The following DCDC1 variants were observed in gnomAD, a reference collection of about 807,000 sequenced individuals.
DCDC1 encodes doublecortin domain containing 1, also known as doublecortin domain-containing protein 1.
In DCDC1, 200 loss-of-function variants were observed where a neutral mutation model predicts 178.3. The ratio of observed to expected loss-of-function variants is 1.12; its 90% CI spans 1.00 to 1.26. The LOEUF (loss-of-function observed/expected upper bound fraction) is 1.26. Among genes scored for constraint, DCDC1 ranks in the 50% most tolerant of loss-of-function variants. The probability of loss-of-function intolerance (pLI) is 0.00; values close to 1 mark genes in which losing one functional copy is unlikely to be tolerated. For synonymous variants in DCDC1, 690 were observed against 604.8 expected (o/e 1.14, Z -2.07); for missense variants, 1,983 against 1,749.2 (o/e 1.13, Z -2.38).
chr11:31,325,757 T>C (rs1949612238), intron 3 of DCDC1, among the ~76,000 whole-genome samples: 1 of 152,082 alleles, frequency 6.6e-6, no homozygotes. Flanking sequence ...TATTAATTAA[T>C]GAAGAAATGC....
intron 9 of DCDC1, among the ~76,000 whole-genome samples, chr11:31,198,382 A>G (rs932259505): frequency 1.3e-5 from 2 of 152,122 alleles, no homozygotes; most frequent in Non-Finnish European, 2.9e-5. Flanking sequence ...ATTTTTTGCT[A>G]GCAAGTATAG....
intron 20 of DCDC1, among the ~76,000 whole-genome samples, chr11:31,023,492 G>A (rs570015001): frequency 6.6e-6 from 1 of 152,078 alleles, no homozygotes; most frequent in Admixed American, 6.6e-5. Flanking sequence ...AAAACAGAGG[G>A]AAGGGCAGAG....
chr11:31,165,993 T>C lies in DCDC1; in HGVS notation c.1222-28209A>G, dbSNP rs1254830675. On this transcript the variant is annotated intron_variant, in intron 9 of 38. Transcript: ENST00000684477. ...AAACAACCTAACCTGTATAGTATGA[T>C]ATAGCAGCCATAAATGCAGTTCCTG... 1.3e-5 allele frequency among the ~76,000 whole-genome samples: 2 copies of C among 152,204 alleles called. 1 individual carries two copies. Among genetic ancestry groups the C allele is most frequent in the South Asian group, 4.1e-4 (2 of 4,834 alleles).
intron 8 of DCDC1, among the ~76,000 whole-genome samples, chr11:31,258,953 G>A (rs1234104266): frequency 6.6e-6 from 1 of 152,120 alleles, no homozygotes; most frequent in Non-Finnish European, 1.5e-5. Flanking sequence ...ACATTAAGAT[G>A]TTTGGAATTC....
At chr11:31,289,186 G>A (rs2137376512) in intron 7 of DCDC1, among the ~76,000 whole-genome samples, 1 of 152,024 alleles carries the variant, frequency 6.6e-6, no homozygotes, top group East Asian at 1.9e-4. Context: ...CTGTAAGAGT[G>A]ACTATTACTC....
At chr11:30,944,106 C>G (rs1269266519) in intron 21 of DCDC1, 5 of 258,544 alleles carry the variant, frequency 1.9e-5, no homozygotes, top group African/African-American at 4.5e-5. Flanking sequence ...GCTGATCTTT[C>G]TTCACAGTGA....
chr11:31,069,991 A>G (rs1956457028), intron 18 of DCDC1, among the ~76,000 whole-genome samples: 1 of 152,208 alleles, frequency 6.6e-6, no homozygotes, highest in Non-Finnish European at 1.5e-5. Context: ...AAAGTTTGGC[A>G]AAGGTGGCAG....
At chr11:30,958,003 A>G (rs1434889964) in intron 20 of DCDC1, among the ~76,000 whole-genome samples, 1 of 152,148 alleles carries the variant, frequency 6.6e-6, no homozygotes, top group Non-Finnish European at 1.5e-5. Flanking sequence ...GTCAGAGTGC[A>G]CTGCTGTTAC....
At position 30,976,090 on chromosome 11, in the gene DCDC1, C is replaced by T. The variant is rs11031256; in HGVS notation, c.2592-23522G>A. 4.7e-3 allele frequency among the ~76,000 whole-genome samples: 722 copies of T among 152,034 alleles called. 11 individuals carry two copies. Among genetic ancestry groups the T allele is most frequent in the African/African-American group, 0.017 (691 of 41,514 alleles). The stretch of plus-strand genomic sequence containing the variant: ...AGCCAACAGATTCTTGACAAAGATG[C>T]TAAGAACAAACATTGGTGAAAAGAC... On this transcript the variant is annotated intron_variant, in intron 20 of 38. Transcript: ENST00000684477.
Position 31,106,935 on chromosome 11 carries a change from A to G in DCDC1, c.1613T>C (p.Leu538Pro), listed in dbSNP as rs771081760. The G allele has an allele frequency of 3.9e-6, 3 of 765,750 alleles. No homozygotes were observed. The highest frequency in any genetic ancestry group is 7.2e-6 in the Non-Finnish European group (3 of 417,738). 47.4% of individuals were successfully genotyped at this position (765,750 alleles called of 1,614,324 possible). The change falls in exon 13 of 39, where the codon CTT becomes CCT. Residue 538 changes from leucine to proline, a missense_variant. Coordinates refer to ENST00000684477, the MANE Select transcript of DCDC1 (RefSeq NM_001387274.1). ...ERLLLKIHQR[L>P]QGSSINPPGL... The stretch of plus-strand genomic sequence containing the variant: ...TGGTGGGTTGATGGAAGAACCTTGA[A>G]GCCTTTGATGAATCTTGAGAAGTAA...
chr11:31,351,358 T>C (rs776454661), intron 1 of DCDC1, among the ~76,000 whole-genome samples: 2 of 152,136 alleles, frequency 1.3e-5, no homozygotes, highest in Non-Finnish European at 1.5e-5. Context: ...ACTGTGGTGG[T>C]TGCCATAGTA....
intron 9 of DCDC1, among the ~76,000 whole-genome samples, chr11:31,239,266 A>G (rs946349282): frequency 6.6e-6 from 1 of 152,054 alleles, no homozygotes; most frequent in Non-Finnish European, 1.5e-5. Flanking sequence ...CCAAAGGTCA[A>G]ATGAAGTAAG....
At chr11:31,176,496 A>G (rs1417216891) in intron 9 of DCDC1, among the ~76,000 whole-genome samples, 2 of 152,322 alleles carry the variant, frequency 1.3e-5, no homozygotes, top group African/African-American at 4.8e-5. Context: ...AAAATAGCTG[A>G]AAATTTGCCA....
chr11:31,028,006 G>A (rs1953352292), intron 20 of DCDC1, among the ~76,000 whole-genome samples: 1 of 151,430 alleles, frequency 6.6e-6, no homozygotes, highest in South Asian at 2.1e-4. Context: ...ATTTAGAAAG[G>A]CATATCTCAT....
chr11:31,176,146 T>A (rs1283805072), intron 9 of DCDC1, among the ~76,000 whole-genome samples: 1 of 152,050 alleles, frequency 6.6e-6, no homozygotes. Flanking sequence ...AACAATTCAA[T>A]AACATTACAA....
chr11:31,092,715 G>A (rs1397256265), intron 16 of DCDC1, among the ~76,000 whole-genome samples: 1 of 152,146 alleles, frequency 6.6e-6, no homozygotes, highest in East Asian at 1.9e-4. Context: ...TGAAATGAAA[G>A]AATATGGGAT....
chr11:31,007,351 G>T (rs1249345021), intron 20 of DCDC1, among the ~76,000 whole-genome samples: 3 of 152,178 alleles, frequency 2.0e-5, no homozygotes, highest in African/African-American at 4.8e-5. Flanking sequence ...AGCACACTTG[G>T]AAGTAAGATT....
Position 31,307,977 on chromosome 11 carries a change from A to G in DCDC1, c.165-69T>C, listed in dbSNP as rs912408914. On this transcript the variant is annotated intron_variant, in intron 3 of 38. Transcript: ENST00000684477. ...AATCATTTATTAACAAATACCATAT[A>G]ATAACGAGTTGTGTGCTATGTGCTA... 1.9e-6 allele frequency: 3 copies of G among 1,581,024 alleles called. No individual in the cohort carries two copies. In the African/African-American group the frequency reaches 4.0e-5, roughly 21 times the overall value.
At chr11:30,982,536 T>C (rs1950441596) in intron 20 of DCDC1, among the ~76,000 whole-genome samples, 1 of 152,182 alleles carries the variant, frequency 6.6e-6, no homozygotes, top group South Asian at 2.1e-4. Flanking sequence ...ATAAACACAA[T>C]GATGTAATGA....
Sources: gnomAD v4.1 joint callset for allele counts (sites outside exome capture counted in the v4.1 genomes callset) on GRCh38, gnomAD v4.1.1 for gene constraint, MANE v1.5 for transcripts, NCBI Gene and HGNC (gene_info 2026-07-23, HGNC 2026-07-21) for gene names.